DISP2: variants seen among roughly 807,000 people sequenced by gnomAD.
DISP2 encodes protein dispatched homolog 2.
In DISP2, 59 loss-of-function variants were observed where a neutral mutation model predicts 95.5. That is an observed-to-expected ratio of 0.62 (90% CI 0.50 to 0.77). The LOEUF (loss-of-function observed/expected upper bound fraction) is 0.77, where lower values mean the gene tolerates loss of function less well. Ranked by LOEUF, DISP2 falls within the 30% of genes least tolerant of loss-of-function variation. The pLI, the probability that DISP2 is intolerant of heterozygous loss-of-function variation, is 0.00. For synonymous variants in DISP2, 827 were observed against 815.0 expected (o/e 1.01, Z -0.25); for missense variants, 1,752 against 1,854.6 (o/e 0.94, Z 1.02).
Position 40,370,162 on chromosome 15 carries a change from C to T in DISP2, c.4050C>T (p.Asp1350=). 2 of 1,611,944 alleles carry T rather than the reference C, an allele frequency of 1.2e-6. No homozygotes were observed. Among genetic ancestry groups the T allele is most frequent in the Admixed American group, 1.7e-5 (1 of 59,840 alleles). ...TGGCGCTGAGGGAGACAGTGTATGA[C>T]CCATCATTGCCCGCTTCCCATCACA... is the stretch of plus-strand genomic sequence containing the variant. ...LWLALRETVY[D]PSLPASHHSS... is the part of the protein sequence containing the mutation. Residue 1350 remains aspartate (D), a synonymous_variant, in exon 8 of 8, where the codon GAC becomes GAT. Transcript: ENST00000267889.
At chr15:40,358,884 A>G (rs1203502031) in intron 1 of DISP2, among the ~76,000 whole-genome samples, 2 of 152,248 alleles carry the variant, frequency 1.3e-5, no homozygotes, top group African/African-American at 2.4e-5. Context: ...TGGGGAAGGC[A>G]GACATTCGGC....
At chr15:40,363,344 C>A (rs891923481) in intron 1 of DISP2, among the ~76,000 whole-genome samples, 7 of 151,730 alleles carry the variant, frequency 4.6e-5, no homozygotes, top group Non-Finnish European at 8.8e-5. Flanking sequence ...TATGTGAAAG[C>A]ACATTCAGTG....
Position 40,358,274 on chromosome 15 carries a change from C to CGCT in DISP2, c.-46_-45insTGC, listed in dbSNP as rs564713156. 227 of 1,214,046 alleles carry CGCT rather than the reference C, an allele frequency of 1.9e-4. 1 individual carries two copies. The highest frequency in any genetic ancestry group is 2.2e-4 in the Non-Finnish European group (219 of 979,614). 75.2% of individuals were successfully genotyped at this position (1,214,046 alleles called of 1,614,324 possible). On this transcript the variant is annotated 5_prime_UTR_variant, in exon 1 of 8. Transcript: ENST00000267889. ...CCGCCACCGCCGCCGCCGCCGCCGC[C>CGCT]GCCGCGGCTTCAGCACCAGCGCCCG...
rs755202120 is a variant in DISP2, at chr15:40,363,818, G to A, written c.313G>A (p.Gly105Ser). The A allele has an allele frequency of 9.9e-6, 16 of 1,611,900 alleles. No homozygotes were observed. Among genetic ancestry groups the A allele is most frequent in the Non-Finnish European group, 1.1e-5 (13 of 1,178,648 alleles). ...CCGGGCACTGCAGGAATACCAGGGG[G>A]GCAGTTCCCTGCCAGGACTTGGGGA... is the stretch of plus-strand genomic sequence containing the variant. ...YPRALQEYQG[G>S]SSLPGLGDRA... Residue 105 changes from glycine (G) to serine (S), a missense_variant, in exon 2 of 8, where the codon GGC becomes AGC. Coordinates refer to ENST00000267889, the MANE Select transcript of DISP2 (RefSeq NM_033510.3).
chr15:40,366,448 G>T (rs1889498237), intron 7 of DISP2, among the ~76,000 whole-genome samples: 1 of 152,224 alleles, frequency 6.6e-6, no homozygotes, highest in Non-Finnish European at 1.5e-5. Context: ...GTACTGTGTT[G>T]CCACCATGAT....
In DISP2 at chr15:40,371,562, G is replaced by C. The variant is rs1889646010; in HGVS notation, c.*1244G>C. ...GGTGAAGCCAAATCCAATCAAGGCA[G>C]GAACTCAGACCTGCCCTTTGGGAAG... On this transcript the variant is annotated 3_prime_UTR_variant, in exon 8 of 8. Transcript: ENST00000267889. The C allele has an allele frequency of 6.6e-6, 1 of 152,352 alleles. No individual in the cohort carries two copies. The highest frequency in any genetic ancestry group is 1.9e-4 in the East Asian group (1 of 5,180). 9.4% of individuals were successfully genotyped at this position (152,352 alleles called of 1,614,324 possible).
In DISP2 at chr15:40,368,068, T is replaced by G; in HGVS notation, c.1956T>G (p.Cys652Trp). 2.1e-6 allele frequency: 3 copies of G among 1,451,002 alleles called. No individual in the cohort carries two copies. Among genetic ancestry groups the G allele is most frequent in the Non-Finnish European group, 2.7e-6 (3 of 1,110,732 alleles). 89.9% of individuals were successfully genotyped at this position (1,451,002 alleles called of 1,614,324 possible). The part of the protein sequence containing the change: ...VLHERYLARG[C>W]ARRARGRWEG... ...ACGAGCGCTACCTGGCGCGCGGCTGTGCGCGCCGGGCGCGGGGCCGGTGGG... is the reference window on the plus strand; with the variant it reads ...ACGAGCGCTACCTGGCGCGCGGCTGGGCGCGCCGGGCGCGGGGCCGGTGGG... The change falls in exon 8 of 8, where the codon TGT becomes TGG. Residue 652 changes from cysteine (C) to tryptophan (W), a missense_variant. By Grantham distance (215) the Cys-to-Trp change is radical. Around this residue, in one of 5 missense-constraint regions of DISP2, gnomAD observed 732 missense variants for 714.6 expected, o/e 1.02. Coordinates refer to ENST00000267889, the MANE Select transcript of DISP2 (RefSeq NM_033510.3).
Position 40,368,052 on chromosome 15 carries a change from A to C in DISP2, c.1940A>C (p.Tyr647Ser). ...LPASAVLHER[Y>S]LARGCARRAR... ...GCCTCCGCCGTGCTCCACGAGCGCT[A>C]CCTGGCGCGCGGCTGTGCGCGCCGG... The change falls in exon 8 of 8, where the codon TAC becomes TCC. Residue 647 changes from tyrosine to serine, a missense_variant. Tyr to Ser is a moderately radical substitution (Grantham distance 144). Around this residue, in one of 5 missense-constraint regions of DISP2, gnomAD observed 732 missense variants for 714.6 expected, o/e 1.02. Coordinates refer to ENST00000267889, the MANE Select transcript of DISP2 (RefSeq NM_033510.3). 6.6e-7 allele frequency: 1 copy of C among 1,515,626 alleles called. No individual in the cohort carries two copies. The highest frequency in any genetic ancestry group is 8.8e-7 in the Non-Finnish European group (1 of 1,137,482). 93.9% of individuals were successfully genotyped at this position (1,515,626 alleles called of 1,614,324 possible).
At position 40,367,495 on chromosome 15, in the gene DISP2, G is replaced by A; in HGVS notation, c.1383G>A (p.Gly461=). ...TGGACCGGCTGGCCACCCCCTGGGG[G>A]CTTGCTGACAACTACACCTCTGTCA... The part of the protein sequence containing the change: ...IYLDRLATPW[G]LADNYTSVTG... Residue 461 remains glycine, a synonymous_variant, in exon 8 of 8, where the codon GGG becomes GGA. Transcript: ENST00000267889. The A allele has an allele frequency of 6.2e-7, 1 of 1,613,668 alleles. No individual in the cohort carries two copies. Among genetic ancestry groups the A allele is most frequent in the Non-Finnish European group, 8.5e-7 (1 of 1,179,994 alleles).
chr15:40,358,238 C>CGCCGCT lies in DISP2; in HGVS notation c.-78_-73dup, dbSNP rs1398425692. The CGCCGCT allele has an allele frequency of 2.0e-3, 1,698 of 869,580 alleles. 6 individuals carry two copies. Among genetic ancestry groups the CGCCGCT allele is most frequent in the Non-Finnish European group, 2.2e-3 (1,499 of 696,960 alleles). The allele number at this position is 869,580 out of a possible 1,614,324, so 53.9% of individuals were successfully genotyped here. On this transcript the variant is annotated 5_prime_UTR_variant, in exon 1 of 8. Transcript: ENST00000267889. Reference sequence around the variant, plus strand: ...CTACGCATGCGCACGAGCACCCCGCCGCCGCTGCCGCCGCCACCGCCGCCG... The same window carrying CGCCGCT: ...CTACGCATGCGCACGAGCACCCCGCCGCCGCTGCCGCTGCCGCCGCCACCGCCGCCG...
chr15:40,363,925 C>G lies in DISP2; in HGVS notation c.420C>G (p.Pro140=). Residue 140 remains proline (P), a synonymous_variant, in exon 2 of 8, where the codon CCC becomes CCG. Coordinates refer to ENST00000267889, the MANE Select transcript of DISP2 (RefSeq NM_033510.3). The part of the protein sequence containing the change: ...PSQRDGTWKP[P]AVQHHVVSVR... Reference sequence around the variant, plus strand: ...AGCGCGATGGGACCTGGAAGCCACCCGCTGTGCAGCACCATGTGGTCAGCG... The same window carrying G: ...AGCGCGATGGGACCTGGAAGCCACCGGCTGTGCAGCACCATGTGGTCAGCG... 1 of 1,549,014 alleles carries G rather than the reference C, an allele frequency of 6.5e-7. No homozygotes were observed. Among genetic ancestry groups the G allele is most frequent in the Non-Finnish European group, 8.7e-7 (1 of 1,146,870 alleles).
In DISP2 at chr15:40,368,344, CCCCTTCGAG is replaced by C. The variant is rs770995248; in HGVS notation, c.2234_2242del (p.Pro745_Glu747del). On this transcript the variant is annotated inframe_deletion, in exon 8 of 8. Transcript: ENST00000267889. ...GCGGCCAGGTCTTCCGGCCCAGCCA[CCCCTTCGAG>C]CGCTTCGACGCGGAGTATCGCCAGC... 11 of 1,604,834 alleles carry C rather than the reference CCCCTTCGAG, an allele frequency of 6.9e-6. No individual in the cohort carries two copies. Among genetic ancestry groups the C allele is most frequent in the African/African-American group, 2.7e-5 (2 of 74,866 alleles).
At chr15:40,362,234 G>A (rs1889417283) in intron 1 of DISP2, among the ~76,000 whole-genome samples, 1 of 152,228 alleles carries the variant, frequency 6.6e-6, no homozygotes, top group Non-Finnish European at 1.5e-5. Flanking sequence ...TGACAGGGTA[G>A]GTGGAGGGAT....
At chr15:40,362,549 C>T (rs1056640328) in intron 1 of DISP2, among the ~76,000 whole-genome samples, 2 of 152,190 alleles carry the variant, frequency 1.3e-5, no homozygotes, top group African/African-American at 2.4e-5. Flanking sequence ...CCTGTTCTCC[C>T]AGCACTCACA....
At position 40,369,783 on chromosome 15, in the gene DISP2, T is replaced by C. The variant is rs1361785270; in HGVS notation, c.3671T>C (p.Val1224Ala). The C allele has an allele frequency of 3.1e-6, 5 of 1,603,968 alleles. No individual in the cohort carries two copies. The highest frequency in any genetic ancestry group is 4.3e-6 in the Non-Finnish European group (5 of 1,175,208). ...PRELLLDHQA[V>A]FSQCPALQTS... ...GAGCTGCTGCTGGACCACCAGGCAG[T>C]CTTCAGCCAGTGCCCTGCCCTGCAG... The change falls in exon 8 of 8, where the codon GTC becomes GCC. Residue 1224 changes from valine to alanine, a missense_variant. This residue lies in a region of DISP2 where 347 missense variants were observed against 344.2 expected (regional missense o/e 1.01). Transcript: ENST00000267889.
Position 40,368,096 on chromosome 15 carries a change from G to A in DISP2, c.1984G>A (p.Gly662Ser), listed in dbSNP as rs1444674744. Residue 662 changes from glycine to serine, a missense_variant, in exon 8 of 8, where the codon GGC becomes AGC. By Grantham distance (56) the Gly-to-Ser change is moderately conservative. This residue lies in a region of DISP2 where 732 missense variants were observed against 714.6 expected (regional missense o/e 1.02). Coordinates refer to ENST00000267889, the MANE Select transcript of DISP2 (RefSeq NM_033510.3). The stretch of plus-strand genomic sequence containing the variant: ...GCGCCGGGCGCGGGGCCGGTGGGAG[G>A]GCAGCGCGCCCCGGCGGCTACTGCT... Reference protein sequence around the residue: ...CARRARGRWEGSAPRRLLLAL... With the variant: ...CARRARGRWESSAPRRLLLAL... 7 of 1,355,944 alleles carry A rather than the reference G, an allele frequency of 5.2e-6. No homozygotes were observed. The highest frequency in any genetic ancestry group is 6.6e-6 in the Non-Finnish European group (7 of 1,064,226). 84.0% of individuals were successfully genotyped at this position (1,355,944 alleles called of 1,614,324 possible). A position where few individuals can be genotyped will look rare whatever the true frequency, so the allele number is the denominator to read the frequency against.
Position 40,367,488 on chromosome 15 carries a change from C to T in DISP2, c.1376C>T (p.Pro459Leu). The change falls in exon 8 of 8, where the codon CCC (proline) becomes CTC (leucine). Residue 459 changes from proline to leucine, a missense_variant. This residue lies in a region of DISP2 where 732 missense variants were observed against 714.6 expected (regional missense o/e 1.02). Transcript: ENST00000267889. ...MDIYLDRLAT[P>L]WGLADNYTSV... ...ATCTACCTGGACCGGCTGGCCACCC[C>T]CTGGGGGCTTGCTGACAACTACACC... 1.9e-6 allele frequency: 3 copies of T among 1,613,792 alleles called. No homozygotes were observed. Among genetic ancestry groups the T allele is most frequent in the Admixed American group, 1.7e-5 (1 of 60,000 alleles).
At position 40,377,874 on chromosome 15, in the gene DISP2, T is replaced by C. The variant is rs983654816; in HGVS notation, c.*7556T>C. On this transcript the variant is annotated 3_prime_UTR_variant, in exon 8 of 8. Coordinates refer to ENST00000267889, the MANE Select transcript of DISP2 (RefSeq NM_033510.3). ...GCCAGATTGGAAAACCTCAAATTTA[T>C]GGAGCATTGGTCAGAGGTCTCAGAA... 1 of 152,430 alleles carries C rather than the reference T, an allele frequency of 6.6e-6. No individual in the cohort carries two copies. The highest frequency in any genetic ancestry group is 1.5e-5 in the Non-Finnish European group (1 of 68,122). 9.4% of individuals were successfully genotyped at this position (152,430 alleles called of 1,614,324 possible). A position where few individuals can be genotyped will look rare whatever the true frequency, so the allele number is the denominator to read the frequency against.
intron 3 of DISP2, 25 bp from the exon 4 acceptor site, chr15:40,364,396 A>G (rs755419593): frequency 1.2e-6 from 2 of 1,613,440 alleles, no homozygotes; most frequent in Non-Finnish European, 1.7e-6. Flanking sequence ...CACCCAACTC[A>G]TGTGGACTCC....
Sources: allele counts gnomAD v4.1 joint callset (sites outside exome capture counted in the v4.1 genomes callset), GRCh38; gene constraint gnomAD v4.1.1; regional missense constraint gnomAD v4.1.1; transcripts MANE v1.5; gene names NCBI Gene and HGNC (gene_info 2026-07-23, HGNC 2026-07-21).